The following SRGAP3 variants were observed in gnomAD, a reference collection of about 807,000 sequenced individuals.
The protein encoded by SRGAP3 is SLIT-ROBO Rho GTPase activating protein 3.
In SRGAP3, 39 loss-of-function variants were observed where a neutral mutation model predicts 121.1. That is an observed-to-expected ratio of 0.32 (90% CI 0.25 to 0.42). The LOEUF (loss-of-function observed/expected upper bound fraction) is 0.42. Ranked by LOEUF, SRGAP3 falls within the 10% of genes least tolerant of loss-of-function variation. The pLI, the probability that SRGAP3 is intolerant of heterozygous loss-of-function variation, is 1.00. For synonymous variants in SRGAP3, 601 were observed against 570.0 expected (o/e 1.05, Z -0.77); for missense variants, 1,213 against 1,470.6 (o/e 0.82, Z 2.86).
intron 20 of SRGAP3, among the ~76,000 whole-genome samples, chr3:8,992,444 A>T (rs1353063965): frequency 6.6e-6 from 1 of 152,176 alleles, no homozygotes; most frequent in Non-Finnish European, 1.5e-5. Context: ...CCCTCCAAAT[A>T]AGTGGGTGGA....
Position 9,304,856 on chromosome 3 carries a change from T to A in SRGAP3, n.442+21154A>T, listed in dbSNP as rs1642640940. The stretch of plus-strand genomic sequence containing the variant: ...CAGTCCACTGGGTTGCAACAGCTAA[T>A]GAAACTGACATCTGACAGATACCAT... On this transcript the variant is annotated intron_variant and non_coding_transcript_variant, in intron 3 of 3. Coordinates refer to the SRGAP3 transcript ENST00000490889. 2.0e-5 allele frequency among the ~76,000 whole-genome samples: 3 copies of A among 152,186 alleles called. No homozygotes were observed. In the South Asian group the frequency reaches 6.2e-4, roughly 31 times the overall value.
intron 9 of SRGAP3, among the ~76,000 whole-genome samples, chr3:9,048,006 C>T (rs1306597138): frequency 6.6e-6 from 1 of 152,160 alleles, no homozygotes; most frequent in Non-Finnish European, 1.5e-5. Flanking sequence ...TTAAAATAAC[C>T]CAAACTGCAG....
intron 1 of SRGAP3, among the ~76,000 whole-genome samples, chr3:9,139,784 A>G (rs1390409473): frequency 3.9e-5 from 6 of 152,244 alleles, no homozygotes; most frequent in Non-Finnish European, 8.8e-5. Flanking sequence ...AATATAGAGT[A>G]TCGTCTAAAA....
Position 8,989,406 on chromosome 3 carries a change from T to C in SRGAP3, c.2886+1106A>G, listed in dbSNP as rs149305589. The stretch of plus-strand genomic sequence containing the variant: ...TGCTGGTGTGAACAGGAGTACTCAT[T>C]GCTAGGTGAGCTGTTTCTGTGTTGT... On this transcript the variant is annotated intron_variant, in intron 21 of 21. Transcript: ENST00000383836. Among the ~76,000 whole-genome samples the C allele has an allele frequency of 5.6e-3, 859 of 152,328 alleles. 6 individuals are homozygous for C. Among genetic ancestry groups the C allele is most frequent in the African/African-American group, 0.019 (794 of 41,574 alleles).
At chr3:9,152,588 G>A (rs1476892758) in intron 1 of SRGAP3, among the ~76,000 whole-genome samples, 1 of 152,212 alleles carries the variant, frequency 6.6e-6, no homozygotes, top group Non-Finnish European at 1.5e-5. Flanking sequence ...GACAGAAGCA[G>A]AGACAAACCT....
intron 1 of SRGAP3, 113 bp downstream of exon 1, chr3:9,248,772 C>T: frequency 1.9e-6 from 2 of 1,060,954 alleles, no homozygotes; most frequent in Middle Eastern, 2.0e-4. Flanking sequence ...ATTATTGATG[C>T]ATAACATTTC....
At chr3:9,325,740 T>G (rs914729805) in intron 3 of SRGAP3, among the ~76,000 whole-genome samples, 7 of 151,990 alleles carry the variant, frequency 4.6e-5, no homozygotes, top group Non-Finnish European at 1.5e-5. Flanking sequence ...CTCACCTACA[T>G]TGGGCCTTCA....
In SRGAP3 at chr3:8,985,495, C is replaced by T. The variant is rs368794309; in HGVS notation, c.*24G>A. 23 of 1,597,440 alleles carry T rather than the reference C, an allele frequency of 1.4e-5. No individual in the cohort carries two copies. In the African/African-American group the frequency reaches 2.5e-4, roughly 18 times the overall value. ...GGCCGTGGTGAGCCACAGCGGGCCA[C>T]GGCGGCGCGGCCCATCCTGCAGGTC... is the stretch of plus-strand genomic sequence containing the variant. On this transcript the variant is annotated 3_prime_UTR_variant, in exon 22 of 22. Coordinates refer to ENST00000383836, the MANE Select transcript of SRGAP3 (RefSeq NM_014850.4). The surrounding 1 kb of genome is among the most constrained non-coding windows in gnomAD (Gnocchi z 5.1).
chr3:9,045,559 AATC>A (rs570083844), intron 10 of SRGAP3, among the ~76,000 whole-genome samples: 140 of 152,116 alleles, frequency 9.2e-4, no homozygotes, highest in African/African-American at 3.1e-3. Context: ...CGTCATCATC[AATC>A]ATCATCATTT....
chr3:9,076,489 C>G (rs184053191), intron 4 of SRGAP3, among the ~76,000 whole-genome samples: 52 of 152,202 alleles, frequency 3.4e-4, no homozygotes, highest in African/African-American at 1.2e-3. Context: ...TGGCCAAGCT[C>G]GTAAGTGGTG....
intron 9 of SRGAP3, chr3:9,049,343 C>G (rs1316073923): frequency 1.3e-5 from 6 of 455,014 alleles, no homozygotes; most frequent in Non-Finnish European, 2.7e-5. Flanking sequence ...CTCCCAGGAC[C>G]TGGCCTATTG....
At chr3:9,335,089 A>G (rs1417675874) in intron 1 of SRGAP3, among the ~76,000 whole-genome samples, 21 of 152,168 alleles carry the variant, frequency 1.4e-4, no homozygotes, top group Non-Finnish European at 1.5e-5. Flanking sequence ...AGTGGCTTAC[A>G]TTAACAATGT....
intron 1 of SRGAP3, among the ~76,000 whole-genome samples, chr3:9,185,881 C>G (rs1951581368): frequency 6.6e-6 from 1 of 152,152 alleles, no homozygotes; most frequent in African/African-American, 2.4e-5. Flanking sequence ...AGATTAGAAA[C>G]AGACTGTAAT....
chr3:9,350,175 G>A (rs2728936), intron 1 of SRGAP3: 72,338 of 152,058 alleles, frequency 0.48, 18,688 homozygotes, highest in South Asian at 0.71. Context: ...ACTGTCCTAA[G>A]TGCTTTACGT....
intron 8 of SRGAP3, among the ~76,000 whole-genome samples, chr3:9,055,328 A>T (rs937494460): frequency 3.3e-5 from 5 of 152,140 alleles, no homozygotes; most frequent in Non-Finnish European, 7.3e-5. Flanking sequence ...CTCCCCCATG[A>T]CTGCACTTTA....
intron 21 of SRGAP3, among the ~76,000 whole-genome samples, chr3:8,986,876 C>G (rs931477000): frequency 2.0e-5 from 3 of 152,176 alleles, no homozygotes; most frequent in Non-Finnish European, 2.9e-5. Flanking sequence ...AGAGCGAGCC[C>G]CCTGCCACCC....
upstream of SRGAP3, among the ~76,000 whole-genome samples, chr3:9,250,053 T>C (rs973907948): frequency 6.6e-6 from 1 of 152,150 alleles, no homozygotes; most frequent in Non-Finnish European, 1.5e-5. Flanking sequence ...GCAGAGACGA[T>C]GCGAGGAGTT....
intron 3 of SRGAP3, among the ~76,000 whole-genome samples, chr3:9,324,072 G>C (rs1217686259): frequency 6.6e-6 from 1 of 151,854 alleles, no homozygotes; most frequent in Non-Finnish European, 1.5e-5. Flanking sequence ...GTTGGTTACA[G>C]CTCAGAGTTT....
chr3:9,043,985 T>C (rs1945137142), intron 10 of SRGAP3, among the ~76,000 whole-genome samples: 5 of 152,210 alleles, frequency 3.3e-5, no homozygotes, highest in Admixed American at 2.6e-4. Flanking sequence ...GAGAATTCTC[T>C]GGCCAATAAA....
Sources: gnomAD v4.1 joint callset for allele counts (sites outside exome capture counted in the v4.1 genomes callset) on GRCh38, gnomAD v4.1.1 for gene constraint, Gnocchi (gnomAD v3.1) non-coding constraint, MANE v1.5 for transcripts, NCBI Gene and HGNC (gene_info 2026-07-23, HGNC 2026-07-21) for gene names.